Variants in CAPN7 observed in about 807,000 individuals in gnomAD.
The protein encoded by CAPN7 is calpain-7.
A neutral mutation model predicts 115.2 loss-of-function variants in CAPN7; 72 were observed. That is an observed-to-expected ratio of 0.63 (90% CI 0.52 to 0.76). The LOEUF (loss-of-function observed/expected upper bound fraction) is 0.76. Among genes scored for constraint, CAPN7 ranks in the 30% least tolerant of loss-of-function variants. CAPN7 has a pLI of 0.00. For missense variants in CAPN7, 905 were observed against 971.5 expected, an observed-to-expected ratio of 0.93 and a Z score of 0.91; for synonymous variants, 344 against 322.3, an observed-to-expected ratio of 1.07 and a Z score of -0.72.
At chr3:15,210,915 C>T (rs761604552) in intron 1 of CAPN7, 127 of 1,229,230 alleles carry the variant, frequency 1.0e-4, no homozygotes, top group Non-Finnish European at 1.3e-4. Context: ...TGGGTTACTG[C>T]AGAGAAGGTG....
At chr3:15,245,475 A>G in intron 16 of CAPN7, 51 bp from the exon 17 acceptor site, 1 of 1,556,606 alleles carries the variant, frequency 6.4e-7, no homozygotes, top group Non-Finnish European at 8.7e-7. Context: ...CAACCATAAA[A>G]TTAAAGAAAG....
intron 6 of CAPN7, among the ~76,000 whole-genome samples, chr3:15,225,437 A>G (rs1395097726): frequency 6.6e-6 from 1 of 152,228 alleles, no homozygotes; most frequent in Non-Finnish European, 1.5e-5. Flanking sequence ...TTTTGCAACA[A>G]ATTAATGTAA....
intron 2 of CAPN7, among the ~76,000 whole-genome samples, chr3:15,214,174 C>T (rs1431809297): frequency 1.3e-5 from 2 of 152,310 alleles, no homozygotes; most frequent in Admixed American, 1.3e-4. Flanking sequence ...GCCACCATGC[C>T]TGGCCTTAAA....
intron 1 of CAPN7, among the ~76,000 whole-genome samples, chr3:15,207,943 G>T (rs2044724024): frequency 1.3e-5 from 2 of 152,118 alleles, no homozygotes; most frequent in Admixed American, 1.3e-4. Context: ...TGATTATCAA[G>T]TATTATGTAC....
intron 2 of CAPN7, among the ~76,000 whole-genome samples, chr3:15,213,866 G>A (rs73142936): frequency 0.12 from 18,653 of 151,042 alleles, 3,870 homozygotes; most frequent in African/African-American, 0.43. Context: ...CAGTGAAATA[G>A]AGTTCAAAAA....
intron 2 of CAPN7, among the ~76,000 whole-genome samples, chr3:15,216,987 C>T (rs998125821): frequency 6.6e-6 from 1 of 151,030 alleles, no homozygotes; most frequent in Non-Finnish European, 1.5e-5. Context: ...CCTGTAATCC[C>T]ATCACTTTGG....
intron 11 of CAPN7, 75 bp downstream of exon 11, chr3:15,234,048 G>T (rs1425982869): frequency 1.3e-6 from 1 of 788,384 alleles, no homozygotes; most frequent in East Asian, 2.7e-5. Context: ...GGGCGTGGTG[G>T]GTCATGCCTG....
At chr3:15,217,087 A>AG (rs894430024) in intron 2 of CAPN7, among the ~76,000 whole-genome samples, 7 of 150,624 alleles carry the variant, frequency 4.6e-5, no homozygotes, top group Non-Finnish European at 8.8e-5. Flanking sequence ...AAAAAAAAAA[A>AG]GAGAGAAAAA....
intron 5 of CAPN7, among the ~76,000 whole-genome samples, chr3:15,223,148 T>G (rs1399789488): frequency 6.6e-6 from 1 of 152,222 alleles, no homozygotes; most frequent in Non-Finnish European, 1.5e-5. Flanking sequence ...CAAAATAACT[T>G]AAGCAATTGA....
At position 15,231,927 on chromosome 3, in the gene CAPN7, C is replaced by T. The variant is rs925711243; in HGVS notation, c.1033-592C>T. ...ATAATGTTCTACTCTTACAACTATA[C>T]ATGAGTCTTTTTATAGGTTTAGAAT... is the stretch of plus-strand genomic sequence containing the variant. On this transcript the variant is annotated intron_variant, in intron 9 of 20. Transcript: ENST00000253693. Among the ~76,000 whole-genome samples, 31 of 152,174 alleles carry T rather than the reference C, an allele frequency of 2.0e-4. 1 individual carries two copies. Among genetic ancestry groups the T allele is most frequent in the Admixed American group, 1.6e-3 (24 of 15,270 alleles).
intron 5 of CAPN7, among the ~76,000 whole-genome samples, chr3:15,222,011 TA>T (rs1223813188): frequency 2.7e-5 from 4 of 150,854 alleles, no homozygotes; most frequent in African/African-American, 9.9e-5. Context: ...TATACGTATA[TA>T]GTATACGTAT....
chr3:15,230,442 C>G lies in CAPN7; in HGVS notation c.939C>G (p.Gly313=). The part of the protein sequence containing the change: ...ERRFNKKLIT[G]IIYPQNKDGE... The stretch of plus-strand genomic sequence containing the variant: ...TTAATATTTATTTTTCTTACAAAAG[C>G]ATAATTTACCCTCAAAACAAGGATG... The change falls in exon 9 of 21, where the codon GGC becomes GGG. Residue 313 remains glycine (G), a splice_region_variant and synonymous_variant. Transcript: ENST00000253693. 6.3e-7 allele frequency: 1 copy of G among 1,599,958 alleles called. No individual in the cohort carries two copies.
At chr3:15,208,266 A>T in intron 1 of CAPN7, among the ~76,000 whole-genome samples, 1 of 146,512 alleles carries the variant, frequency 6.8e-6, no homozygotes, top group African/African-American at 2.6e-5. Flanking sequence ...GCTGCACAGT[A>T]GTTCATTATG....
intron 5 of CAPN7, 76 bp downstream of exon 5, chr3:15,221,057 C>T: frequency 2.6e-6 from 3 of 1,162,156 alleles, no homozygotes; most frequent in Non-Finnish European, 3.8e-6. Context: ...ATTAGGTTTG[C>T]TGAATTGTAT....
chr3:15,239,183 G>A (rs1695193002), intron 12 of CAPN7, among the ~76,000 whole-genome samples: 1 of 152,146 alleles, frequency 6.6e-6, no homozygotes, highest in Non-Finnish European at 1.5e-5. Flanking sequence ...TAGCCTAAGA[G>A]GAATGAGTCT....
intron 2 of CAPN7, among the ~76,000 whole-genome samples, chr3:15,213,115 A>G (rs963743580): frequency 6.6e-6 from 1 of 152,250 alleles, no homozygotes; most frequent in Non-Finnish European, 1.5e-5. Flanking sequence ...GTATTGATTC[A>G]TGTATTCAAA....
chr3:15,246,845 A>G, intron 18 of CAPN7, 51 bp downstream of exon 18: 1 of 1,305,450 alleles, frequency 7.7e-7, no homozygotes, highest in Non-Finnish European at 1.1e-6. Flanking sequence ...GAATTTTTAA[A>G]TTCCCTTTCC....
At chr3:15,226,590 G>A (rs1341470296) in intron 6 of CAPN7, among the ~76,000 whole-genome samples, 1 of 152,030 alleles carries the variant, frequency 6.6e-6, no homozygotes, top group Non-Finnish European at 1.5e-5. Context: ...AATTCAATTA[G>A]CTCACTTTCT....
rs1468491457 is a variant in CAPN7 at position 15,241,668 on chromosome 3, A to G, written c.1788+80A>G. 6 of 1,219,172 alleles carry G rather than the reference A, an allele frequency of 4.9e-6. No individual in the cohort carries two copies. In the East Asian group the frequency reaches 1.2e-4, roughly 25 times the overall value. The allele number at this position is 1,219,172 out of a possible 1,614,324, so 75.5% of individuals were successfully genotyped here. On this transcript the variant is annotated intron_variant, in intron 15 of 20. Transcript: ENST00000253693. Reference sequence around the variant, plus strand: ...AACATTGTGAAAGACATACGTAAACACCAGCCTGTTTAATTTACATAGGTG... The same window carrying G: ...AACATTGTGAAAGACATACGTAAACGCCAGCCTGTTTAATTTACATAGGTG...
Sources: allele counts gnomAD v4.1 joint callset (sites outside exome capture counted in the v4.1 genomes callset), GRCh38; gene constraint gnomAD v4.1.1; transcripts MANE v1.5; gene names NCBI Gene and HGNC (gene_info 2026-07-23, HGNC 2026-07-21).